TFDP2: variants seen among roughly 807,000 people sequenced by gnomAD.
The protein encoded by TFDP2 is transcription factor Dp-2 (E2F dimerization partner 2).
Under a neutral mutation model 59.3 loss-of-function variants are expected in TFDP2, and 17 were observed. The observed-to-expected ratio is 0.29, with a 90% CI of 0.20 to 0.43. The LOEUF is 0.43. Among genes scored for constraint, TFDP2 ranks in the 20% least tolerant of loss-of-function variants. The pLI, the probability that TFDP2 is intolerant of heterozygous loss-of-function variation, is 1.00. For missense variants in TFDP2, 391 were observed against 528.8 expected (o/e 0.74, Z 2.56); for synonymous variants, 180 against 194.7 (o/e 0.92, Z 0.63).
intron 1 of TFDP2, among the ~76,000 whole-genome samples, chr3:142,117,462 C>T (rs1193816145): frequency 6.6e-6 from 1 of 150,928 alleles, no homozygotes; most frequent in African/African-American, 2.4e-5. Context: ...AACCCCACTT[C>T]CTTACCTCTG....
In TFDP2 at chr3:142,022,828, GCTGGGTTC is replaced by G. The variant is rs542998505; in HGVS notation, c.83-17292_83-17285del. ...CTGCAGACAGACTTTGAATTAAAAAGCTGGGTTCCTGGGCCGGGCACAGGTGGCTCACG... is the reference window on the plus strand; with the variant it reads ...CTGCAGACAGACTTTGAATTAAAAAGCTGGGCCGGGCACAGGTGGCTCACG... On this transcript the variant is annotated intron_variant, in intron 3 of 12. Coordinates refer to ENST00000489671, the MANE Select transcript of TFDP2 (RefSeq NM_001178139.2). 1.6e-4 allele frequency among the ~76,000 whole-genome samples: 25 copies of G among 152,192 alleles called. No homozygotes were observed. In the South Asian group the frequency reaches 5.2e-3, roughly 32 times the overall value.
intron 1 of TFDP2, among the ~76,000 whole-genome samples, chr3:142,132,800 A>T (rs1395220641): frequency 2.5e-5 from 3 of 120,928 alleles, no homozygotes; most frequent in African/African-American, 8.4e-5. Flanking sequence ...ATAAAGCTTT[A>T]AAAAAAAAAA....
chr3:142,010,931 C>T, intron 3 of TFDP2, among the ~76,000 whole-genome samples: 1 of 116,638 alleles, frequency 8.6e-6, no homozygotes, highest in Middle Eastern at 3.6e-3. Context: ...ATTAAAAAGT[C>T]AGGAAACAAC....
At chr3:142,053,043 C>T (rs1227414810) in intron 3 of TFDP2, among the ~76,000 whole-genome samples, 2 of 152,098 alleles carry the variant, frequency 1.3e-5, no homozygotes, top group Non-Finnish European at 2.9e-5. Context: ...CTCCTGGCCT[C>T]GTGATCCACT....
intron 3 of TFDP2, among the ~76,000 whole-genome samples, chr3:142,007,351 C>T (rs980077450): frequency 6.6e-6 from 1 of 152,134 alleles, no homozygotes; most frequent in Non-Finnish European, 1.5e-5. Context: ...ATACGATCAT[C>T]GAATCCACCC....
At chr3:142,110,698 T>C (rs2061624189) in intron 1 of TFDP2, among the ~76,000 whole-genome samples, 1 of 152,138 alleles carries the variant, frequency 6.6e-6, no homozygotes, top group Admixed American at 6.5e-5. Flanking sequence ...ACACCTGTAA[T>C]CCCAGCACTT....
At chr3:141,963,679 G>T in intron 10 of TFDP2, 133 bp downstream of exon 10, 1 of 959,602 alleles carries the variant, frequency 1.0e-6, no homozygotes, top group Non-Finnish European at 1.6e-6. Context: ...GGTTCAGGAG[G>T]TGTTTCATGT....
chr3:142,044,206 G>T, intron 3 of TFDP2: 1 of 380,392 alleles, frequency 2.6e-6, no homozygotes, highest in East Asian at 5.6e-5. Flanking sequence ...CATGGCTGCG[G>T]CGGCGGCAGC....
At chr3:142,017,548 CTTTT>C (rs10535313) in intron 3 of TFDP2, among the ~76,000 whole-genome samples, 36 of 87,214 alleles carry the variant, frequency 4.1e-4, no homozygotes, top group African/African-American at 7.8e-4. Flanking sequence ...CAAAAATATT[CTTTT>C]TTTTTTTTTT....
At chr3:142,062,032 T>C (rs2059933635) in intron 3 of TFDP2, among the ~76,000 whole-genome samples, 2 of 151,248 alleles carry the variant, frequency 1.3e-5, no homozygotes, top group Admixed American at 6.6e-5. Flanking sequence ...GACGGCAAAA[T>C]CCACCCCTCC....
At chr3:142,021,031 T>C (rs1305368249) in intron 3 of TFDP2, among the ~76,000 whole-genome samples, 3 of 152,130 alleles carry the variant, frequency 2.0e-5, no homozygotes, top group Non-Finnish European at 4.4e-5. Context: ...TAGTATTACC[T>C]ACCTGCACAT....
rs1936018041 is a variant in TFDP2, at chr3:141,952,351, T to A, written c.*162A>T. The A allele has an allele frequency of 1.7e-6, 1 of 595,698 alleles. No homozygotes were observed. The allele number at this position is 595,698 out of a possible 1,614,324, so 36.9% of individuals were successfully genotyped here. On this transcript the variant is annotated 3_prime_UTR_variant, in exon 13 of 13. Coordinates refer to ENST00000489671, the MANE Select transcript of TFDP2 (RefSeq NM_001178139.2). ...CACACTATGTTAACTTTCATCTCAA[T>A]CATCTCAGCCTTCATGTGATTTGCT...
chr3:142,065,572 C>T (rs1378977720), intron 3 of TFDP2, among the ~76,000 whole-genome samples: 5 of 149,452 alleles, frequency 3.3e-5, no homozygotes, highest in Admixed American at 6.7e-5. Context: ...AGCAGGGTGG[C>T]GCAATCTCGG....
intron 3 of TFDP2, among the ~76,000 whole-genome samples, chr3:142,018,556 G>A (rs1945325866): frequency 6.6e-6 from 1 of 151,790 alleles, no homozygotes; most frequent in African/African-American, 2.4e-5. Context: ...TCAAACTCCA[G>A]GGTTCAAGTC....
rs1159879621 is a variant in TFDP2 at position 141,952,914 on chromosome 3, G to A, written c.1154C>T (p.Ser385Leu). 6.2e-7 allele frequency: 1 copy of A among 1,613,410 alleles called. No individual in the cohort carries two copies. The highest frequency in any genetic ancestry group is 1.7e-5 in the Admixed American group (1 of 59,998). ...TAACCCTGAAAAAAATACGTACCTTGACTGGGGTAAGGTGGCACCAGTGGT... is the reference window on the plus strand; with the variant it reads ...TAACCCTGAAAAAAATACGTACCTTAACTGGGGTAAGGTGGCACCAGTGGT... ...DLTTGATLPQ[S>L]SVNQGLCLDA... The change falls in exon 12 of 13, where the codon TCA becomes TTA. Residue 385 changes from serine (S) to leucine (L), a missense_variant. This residue lies in a region of TFDP2 where 223 missense variants were observed against 292.5 expected (regional missense o/e 0.76). Coordinates refer to ENST00000489671, the MANE Select transcript of TFDP2 (RefSeq NM_001178139.2).
chr3:142,127,056 GATGTA>G (rs1258894379), intron 1 of TFDP2, among the ~76,000 whole-genome samples: 2 of 148,318 alleles, frequency 1.3e-5, no homozygotes, highest in African/African-American at 4.9e-5. Flanking sequence ...ATATCTATAA[GATGTA>G]ATGTATATGT....
chr3:142,079,101 A>G (rs2060554867), intron 3 of TFDP2, among the ~76,000 whole-genome samples: 1 of 151,958 alleles, frequency 6.6e-6, no homozygotes, highest in African/African-American at 2.4e-5. Context: ...GAAAATACAC[A>G]GTCCCAGCCT....
chr3:141,965,033 C>T (rs1414285885), intron 9 of TFDP2, among the ~76,000 whole-genome samples: 1 of 152,166 alleles, frequency 6.6e-6, no homozygotes, highest in Non-Finnish European at 1.5e-5. Context: ...GCCTGGGCAA[C>T]AAGAGCAAAA....
At chr3:141,969,740 G>C (rs543379870) in intron 9 of TFDP2, among the ~76,000 whole-genome samples, 1 of 152,306 alleles carries the variant, frequency 6.6e-6, no homozygotes, top group African/African-American at 2.4e-5. Context: ...AGCTTCACTA[G>C]TGGATATTCC....
Sources: allele counts gnomAD v4.1 joint callset (sites outside exome capture counted in the v4.1 genomes callset), GRCh38; gene constraint gnomAD v4.1.1; regional missense constraint gnomAD v4.1.1; transcripts MANE v1.5; gene names NCBI Gene and HGNC (gene_info 2026-07-23, HGNC 2026-07-21).